Variants in PCLO observed in about 807,000 individuals in gnomAD.
PCLO encodes the protein piccolo presynaptic cytomatrix protein, also known as protein piccolo.
A neutral mutation model predicts 427.5 loss-of-function variants in PCLO; 82 were observed. The observed-to-expected ratio is 0.19, with a 90% CI of 0.16 to 0.23. The LOEUF is 0.23. Among genes scored for constraint, PCLO ranks in the 10% least tolerant of loss-of-function variants. The probability of loss-of-function intolerance (pLI) is 1.00; values close to 1 mark genes in which losing one functional copy is unlikely to be tolerated. For synonymous variants in PCLO, 2,357 were observed against 2,155.4 expected, an observed-to-expected ratio of 1.09 and a Z score of -2.59; for missense variants, 6,239 against 6,115.9, an observed-to-expected ratio of 1.02 and a Z score of -0.67.
chr7:82,868,029 T>C (rs1036318544), intron 10 of PCLO: 1 of 404,600 alleles, frequency 2.5e-6, no homozygotes, highest in South Asian at 1.8e-5. Context: ...CAACATGATA[T>C]GTGGTCTGTG....
rs1790306085 is a variant in PCLO, at chr7:82,755,790, G to A, written c.*2785C>T. ...AAGAAACAGTTTTGTTGTAAGAAGG[G>A]TAGTCAACATCATTCAGAAGAAACG... On this transcript the variant is annotated 3_prime_UTR_variant, in exon 25 of 25. Coordinates refer to ENST00000333891, the MANE Select transcript of PCLO (RefSeq NM_033026.6). 1 of 152,114 alleles carries A rather than the reference G, an allele frequency of 6.6e-6. No homozygotes were observed. 9.4% of individuals were successfully genotyped at this position (152,114 alleles called of 1,614,324 possible).
rs575267992 is a variant in PCLO, at chr7:82,805,290, C to T, written c.14933+398G>A. Among the ~76,000 whole-genome samples, 24 of 152,164 alleles carry T rather than the reference C, an allele frequency of 1.6e-4. No individual in the cohort carries two copies. In the South Asian group the frequency reaches 5.0e-3, roughly 32 times the overall value. On this transcript the variant is annotated intron_variant, in intron 21 of 24. Transcript: ENST00000333891. ...CTATTTCAAATATGATATATGGATT[C>T]TTTGAATATGTTTAAATATCTCCTG... is the stretch of plus-strand genomic sequence containing the variant.
chr7:82,786,602 T>A (rs913137706), intron 22 of PCLO, among the ~76,000 whole-genome samples: 22 of 152,198 alleles, frequency 1.4e-4, no homozygotes, highest in Non-Finnish European at 2.9e-4. Context: ...CACAACTTTT[T>A]GTTTTGATAC....
At chr7:82,877,559 T>C (rs1793403248) in intron 10 of PCLO, among the ~76,000 whole-genome samples, 2 of 152,168 alleles carry the variant, frequency 1.3e-5, no homozygotes, top group Non-Finnish European at 2.9e-5. Context: ...ACTTTGCTTG[T>C]AACTGTTATT....
chr7:82,963,891 A>G (rs1795708289), intron 4 of PCLO, among the ~76,000 whole-genome samples: 1 of 152,142 alleles, frequency 6.6e-6, no homozygotes, highest in Non-Finnish European at 1.5e-5. Flanking sequence ...TTGTATAACG[A>G]AAGAAAAAGT....
At chr7:82,940,760 T>C (rs79918211) in intron 6 of PCLO, among the ~76,000 whole-genome samples, 7,530 of 123,042 alleles carry the variant, frequency 0.061, 40 homozygotes, top group African/African-American at 0.085. Flanking sequence ...TCTTTCTTTT[T>C]TTTTTTTTTT....
chr7:82,804,390 G>A (rs1229644572), intron 21 of PCLO, among the ~76,000 whole-genome samples: 1 of 152,054 alleles, frequency 6.6e-6, no homozygotes, highest in Non-Finnish European at 1.5e-5. Flanking sequence ...GTTTTTCACT[G>A]TAAAAATCTA....
chr7:82,986,075 T>C (rs1289409314), intron 3 of PCLO, among the ~76,000 whole-genome samples: 1 of 151,914 alleles, frequency 6.6e-6, no homozygotes, highest in Non-Finnish European at 1.5e-5. Context: ...TTTGATGAGA[T>C]TAAATTTTTC....
At position 82,952,695 on chromosome 7, in the gene PCLO, T is replaced by C. The variant is rs370326006; in HGVS notation, c.8258A>G (p.Asp2753Gly). The C allele has an allele frequency of 6.8e-6, 11 of 1,613,820 alleles. No homozygotes were observed. The highest frequency in any genetic ancestry group is 2.7e-5 in the African/African-American group (2 of 74,942). The change falls in exon 5 of 25, where the codon GAT becomes GGT. Residue 2753 changes from aspartate (D) to glycine (G), a missense_variant. By Grantham distance (94) the Asp-to-Gly change is moderately conservative. Coordinates refer to ENST00000333891, the MANE Select transcript of PCLO (RefSeq NM_033026.6). ...ATTTGCTGTGATCTGCCTTTTCACA[T>C]CCATTGTAGAAGCAGAAAGATCAAT... ...KCIDLSASTMDVKRQITANEV... is the reference protein window; with the variant it reads ...KCIDLSASTMGVKRQITANEV...
At chr7:82,829,768 C>T (rs947363514) in intron 16 of PCLO, among the ~76,000 whole-genome samples, 2 of 151,952 alleles carry the variant, frequency 1.3e-5, no homozygotes, top group African/African-American at 4.8e-5. Flanking sequence ...AGAAATTCTC[C>T]TACCTGTGAA....
chr7:82,906,675 C>A (rs1385694750), intron 8 of PCLO, among the ~76,000 whole-genome samples: 1 of 151,940 alleles, frequency 6.6e-6, no homozygotes, highest in African/African-American at 2.4e-5. Context: ...AAGGGACATA[C>A]AAGGGTTTCA....
At chr7:82,927,186 A>G (rs1554354157) in intron 6 of PCLO, among the ~76,000 whole-genome samples, 1 of 152,202 alleles carries the variant, frequency 6.6e-6, no homozygotes, top group Non-Finnish European at 1.5e-5. Flanking sequence ...TGGCAGATCC[A>G]GCACCATAAG....
At position 82,966,400 on chromosome 7, in the gene PCLO, A is replaced by C; in HGVS notation, c.3388T>G (p.Ser1130Ala). ...GDIRKMPPAPSGPKASPMPVP... is the reference protein window; with the variant it reads ...GDIRKMPPAPAGPKASPMPVP... Reference sequence around the variant, plus strand: ...GGCATAGGAGATGCTTTGGGTCCTGATGGTGCAGGTGGCATTTTGCGTATG... The same window carrying C: ...GGCATAGGAGATGCTTTGGGTCCTGCTGGTGCAGGTGGCATTTTGCGTATG... The change falls in exon 4 of 25, where the codon TCA becomes GCA. Residue 1130 changes from serine (S) to alanine (A), a missense_variant. Transcript: ENST00000333891. 1 of 1,613,778 alleles carries C rather than the reference A, an allele frequency of 6.2e-7. No individual in the cohort carries two copies. The highest frequency in any genetic ancestry group is 8.5e-7 in the Non-Finnish European group (1 of 1,179,814).
intron 3 of PCLO, among the ~76,000 whole-genome samples, chr7:83,116,877 G>A (rs1035145253): frequency 6.6e-6 from 1 of 152,066 alleles, no homozygotes; most frequent in African/African-American, 2.4e-5. Flanking sequence ...AGGTAATGTG[G>A]TATTTACATG....
chr7:83,112,496 G>A (rs1237037799), intron 3 of PCLO, among the ~76,000 whole-genome samples: 1 of 152,152 alleles, frequency 6.6e-6, no homozygotes, highest in Non-Finnish European at 1.5e-5. Context: ...AATAACTCAT[G>A]TAAATGTCAA....
At chr7:83,118,104 T>G (rs1057263119) in intron 3 of PCLO, among the ~76,000 whole-genome samples, 1 of 152,182 alleles carries the variant, frequency 6.6e-6, no homozygotes, top group African/African-American at 2.4e-5. Flanking sequence ...CAAGCAGCTA[T>G]GCATTTCGAA....
intron 3 of PCLO, among the ~76,000 whole-genome samples, chr7:83,101,661 T>C (rs1398361972): frequency 6.6e-6 from 1 of 152,202 alleles, no homozygotes; most frequent in Admixed American, 6.5e-5. Flanking sequence ...TGTGTTTTAC[T>C]TTTGGCACAA....
Position 82,966,494 on chromosome 7 carries a change from G to T in PCLO, c.3301-7C>A. ...AACAAAGCCATTCTTGAATCTGTGG[G>T]AAAAAAATTACAATGAACAGATTGA... is the stretch of plus-strand genomic sequence containing the variant. On this transcript the variant is annotated splice_polypyrimidine_tract_variant and splice_region_variant and intron_variant, in intron 3 of 24. Coordinates refer to ENST00000333891, the MANE Select transcript of PCLO (RefSeq NM_033026.6). The T allele has an allele frequency of 6.6e-7, 1 of 1,510,176 alleles. No individual in the cohort carries two copies. The highest frequency in any genetic ancestry group is 9.0e-7 in the Non-Finnish European group (1 of 1,116,486). 93.5% of individuals were successfully genotyped at this position (1,510,176 alleles called of 1,614,324 possible). A position where few individuals can be genotyped will look rare whatever the true frequency, so the allele number is the denominator to read the frequency against.
intron 22 of PCLO, among the ~76,000 whole-genome samples, chr7:82,787,719 A>G (rs999983101): frequency 6.6e-6 from 1 of 152,164 alleles, no homozygotes; most frequent in African/African-American, 2.4e-5. Context: ...AATGAGCAAC[A>G]GCTCATATTA....
Sources: gnomAD v4.1 joint callset for allele counts (sites outside exome capture counted in the v4.1 genomes callset) on GRCh38, gnomAD v4.1.1 for gene constraint, MANE v1.5 for transcripts, NCBI Gene and HGNC (gene_info 2026-07-23, HGNC 2026-07-21) for gene names.